The following CDH20 variants were observed in gnomAD, a reference collection of about 807,000 sequenced individuals.
CDH20 encodes the protein cadherin 20, also known as cadherin-20.
In CDH20, 29 loss-of-function variants were observed where a neutral mutation model predicts 74.2. The observed-to-expected ratio is 0.39, with a 90% CI of 0.29 to 0.53. CDH20 has a LOEUF of 0.53. Ranked by LOEUF, CDH20 falls within the 20% of genes least tolerant of loss-of-function variation. The pLI, the probability that CDH20 is intolerant of heterozygous loss-of-function variation, is 0.69. For synonymous variants in CDH20, 469 were observed against 405.4 expected (o/e 1.16, Z -1.88); for missense variants, 988 against 1,048.3 (o/e 0.94, Z 0.79).
intron 9 of CDH20, among the ~76,000 whole-genome samples, chr18:61,542,218 G>T (rs945800810): frequency 6.6e-6 from 1 of 152,166 alleles, no homozygotes; most frequent in Non-Finnish European, 1.5e-5. Flanking sequence ...GGCAGGATAG[G>T]ACAGGAGGGT....
intron 1 of CDH20, among the ~76,000 whole-genome samples, chr18:61,345,913 TG>T (rs1489927818): frequency 6.6e-6 from 1 of 152,186 alleles, no homozygotes; most frequent in Non-Finnish European, 1.5e-5. Flanking sequence ...CCACCCTTTC[TG>T]GATTCACCAA....
chr18:61,470,296 T>C (rs1910119529), intron 1 of CDH20, among the ~76,000 whole-genome samples: 1 of 152,246 alleles, frequency 6.6e-6, no homozygotes, highest in Non-Finnish European at 1.5e-5. Flanking sequence ...GGGCACTGGC[T>C]GTATCCAATC....
intron 1 of CDH20, among the ~76,000 whole-genome samples, chr18:61,383,426 C>T (rs1911499026): frequency 6.6e-6 from 1 of 151,734 alleles, no homozygotes; most frequent in South Asian, 2.1e-4. Flanking sequence ...ACTAAAAATA[C>T]AAAAATTAGC....
At position 61,463,905 on chromosome 18, in the gene CDH20, T is replaced by C. The variant is rs78908591; in HGVS notation, c.-152-26497T>C. ...CAAGGAAAAGAGAATTCTGCATCTT[T>C]AGAAGGGCCCAGAAGTATCATTTCT... is the stretch of plus-strand genomic sequence containing the variant. On this transcript the variant is annotated intron_variant, in intron 1 of 11. Coordinates refer to ENST00000262717, the MANE Select transcript of CDH20 (RefSeq NM_031891.4). 6.8e-3 allele frequency among the ~76,000 whole-genome samples: 1,039 copies of C among 152,194 alleles called. 7 individuals carry two copies. The highest frequency in any genetic ancestry group is 0.023 in the African/African-American group (953 of 41,520).
Position 61,450,876 on chromosome 18 carries a change from G to A in CDH20, c.-152-39526G>A, listed in dbSNP as rs558723071. On this transcript the variant is annotated intron_variant, in intron 1 of 11. Coordinates refer to ENST00000262717, the MANE Select transcript of CDH20 (RefSeq NM_031891.4). ...CCATCATTTACTTAGCCAATCCTGT[G>A]TTGGTGAACACTTACATTTTTTTGA... Among the ~76,000 whole-genome samples the A allele has an allele frequency of 2.6e-5, 4 of 152,048 alleles. No homozygotes were observed. In the East Asian group the frequency reaches 7.7e-4, roughly 29 times the overall value.
chr18:61,427,092 G>A (rs901364885), intron 1 of CDH20, among the ~76,000 whole-genome samples: 9 of 152,140 alleles, frequency 5.9e-5, no homozygotes, highest in African/African-American at 2.2e-4. Flanking sequence ...GGAGATTTAG[G>A]ATAAAGAGAG....
At chr18:61,520,095 T>A (rs1311055579) in intron 6 of CDH20, among the ~76,000 whole-genome samples, 1 of 150,570 alleles carries the variant, frequency 6.6e-6, no homozygotes, top group East Asian at 1.9e-4. Context: ...GGTGGGTGGA[T>A]CACGAGGTCA....
chr18:61,554,680 C>A lies in CDH20; in HGVS notation c.2391C>A (p.Pro797=). The A allele has an allele frequency of 6.4e-7, 1 of 1,572,480 alleles. No homozygotes were observed. Among genetic ancestry groups the A allele is most frequent in the East Asian group, 2.3e-5 (1 of 43,572 alleles). ...AGCTCTACGGGGCGTCGGAGGGACC[C>A]GCGCCGCTGTGGTGACGGAAGCCAG... The part of the protein sequence containing the change: ...LAELYGASEG[P]APLW The change falls in exon 12 of 12, where the codon CCC becomes CCA. Residue 797 remains proline (P), a synonymous_variant. Coordinates refer to ENST00000262717, the MANE Select transcript of CDH20 (RefSeq NM_031891.4).
intron 8 of CDH20, among the ~76,000 whole-genome samples, chr18:61,538,119 T>C (rs1912875361): frequency 6.6e-6 from 1 of 152,232 alleles, no homozygotes; most frequent in Non-Finnish European, 1.5e-5. Context: ...TGTTTGATCC[T>C]GTAATATCCT....
chr18:61,405,733 T>C (rs567973230), intron 1 of CDH20, among the ~76,000 whole-genome samples: 27 of 152,234 alleles, frequency 1.8e-4, no homozygotes, highest in Admixed American at 3.9e-4. Flanking sequence ...CTTGTTAAAA[T>C]GCAAATTCTT....
intron 7 of CDH20, among the ~76,000 whole-genome samples, chr18:61,534,843 T>C (rs536853586): frequency 3.3e-5 from 5 of 152,296 alleles, no homozygotes; most frequent in African/African-American, 9.6e-5. Context: ...TAATAATGTA[T>C]TGTATATTTC....
chr18:61,494,092 G>A (rs2077986), intron 2 of CDH20, among the ~76,000 whole-genome samples: 151,012 of 152,344 alleles, frequency 0.99, 74,864 homozygotes, highest in Middle Eastern at 1. Context: ...AACACAGGGA[G>A]CTAGACTCAG....
chr18:61,537,610 G>A (rs183150953), intron 8 of CDH20, among the ~76,000 whole-genome samples: 9 of 152,182 alleles, frequency 5.9e-5, no homozygotes, highest in Admixed American at 5.2e-4. Flanking sequence ...GGGGGAGGGT[G>A]TATAACTCCA....
rs143350910 is a variant in CDH20, at chr18:61,516,408, T to C, written c.1017+8848T>C. ...TCAACACAGAAAGAAATATTTGTAA[T>C]ACAAAAGAAAAGCTATAAAGGAAGT... On this transcript the variant is annotated intron_variant, in intron 6 of 11. Coordinates refer to ENST00000262717, the MANE Select transcript of CDH20 (RefSeq NM_031891.4). Among the ~76,000 whole-genome samples the C allele has an allele frequency of 8.8e-3, 1,341 of 152,228 alleles. 20 individuals carry two copies. The highest frequency in any genetic ancestry group is 0.062 in the South Asian group (298 of 4,826).
At chr18:61,425,040 CCTCT>C (rs10535853) in intron 1 of CDH20, among the ~76,000 whole-genome samples, 89,850 of 134,426 alleles carry the variant, frequency 0.67, 30,994 homozygotes, top group Non-Finnish European at 0.76. Flanking sequence ...CTTCCCCGCT[CCTCT>C]CTCTCTCTCT....
intron 1 of CDH20, among the ~76,000 whole-genome samples, chr18:61,484,737 CCACACACACACACACACACACACA>C (rs36203080): frequency 0.018 from 2,589 of 146,334 alleles, 74 homozygotes; most frequent in African/African-American, 0.062. Context: ...TTGCTCTACT[CCACACACACACACACACACACACA>C]CACACACACA....
chr18:61,340,846 T>C (rs1909924713), intron 1 of CDH20, among the ~76,000 whole-genome samples: 1 of 152,242 alleles, frequency 6.6e-6, no homozygotes. Flanking sequence ...GATAAAGAAA[T>C]TTCATTTAGA....
At chr18:61,351,573 G>T (rs1910307263) in intron 1 of CDH20, among the ~76,000 whole-genome samples, 1 of 152,034 alleles carries the variant, frequency 6.6e-6, no homozygotes, top group African/African-American at 2.4e-5. Context: ...ATATTATCAG[G>T]AGAGAAGAAC....
At chr18:61,351,409 C>T (rs757891457) in intron 1 of CDH20, among the ~76,000 whole-genome samples, 12 of 152,140 alleles carry the variant, frequency 7.9e-5, no homozygotes, top group Non-Finnish European at 1.5e-4. Flanking sequence ...ACTTAAATTT[C>T]CAGACAAGTT....
Sources: gnomAD v4.1 joint callset for allele counts (sites outside exome capture counted in the v4.1 genomes callset) on GRCh38, gnomAD v4.1.1 for gene constraint, MANE v1.5 for transcripts, NCBI Gene and HGNC (gene_info 2026-07-23, HGNC 2026-07-21) for gene names.